The following CACNA1B variants were observed in gnomAD, a reference collection of about 807,000 sequenced individuals.
The protein encoded by CACNA1B is voltage-dependent N-type calcium channel subunit alpha-1B.
Under a neutral mutation model 247.2 loss-of-function variants are expected in CACNA1B, and 70 were observed. The observed-to-expected ratio is 0.28, with a 90% confidence interval of 0.23 to 0.35. The LOEUF (loss-of-function observed/expected upper bound fraction) is 0.35. Among genes scored for constraint, CACNA1B ranks in the 10% least tolerant of loss-of-function variants. CACNA1B has a pLI of 1.00. For missense variants in CACNA1B, 2,367 were observed against 3,197.4 expected, an observed-to-expected ratio of 0.74 and a Z score of 6.26; for synonymous variants, 1,231 against 1,294.4, an observed-to-expected ratio of 0.95 and a Z score of 1.05.
Position 138,123,848 on chromosome 9 carries a change from G to C in CACNA1B, c.*1849G>C, listed in dbSNP as rs140270051. Reference sequence around the variant, plus strand: ...ACCAGGAATCTCGGACTGTGCATGTGATCACTGTGCTCCTGTTGCAAAGTA... The same window carrying C: ...ACCAGGAATCTCGGACTGTGCATGTCATCACTGTGCTCCTGTTGCAAAGTA... On this transcript the variant is annotated 3_prime_UTR_variant, in exon 47 of 47. Coordinates refer to ENST00000371372, the MANE Select transcript of CACNA1B (RefSeq NM_000718.4). 3.9e-5 allele frequency: 6 copies of C among 152,264 alleles called. No homozygotes were observed. Among genetic ancestry groups the C allele is most frequent in the African/African-American group, 1.2e-4 (5 of 41,558 alleles). 9.4% of individuals were successfully genotyped at this position (152,264 alleles called of 1,614,324 possible).
At chr9:138,095,463 A>C (rs1961023937) in intron 36 of CACNA1B, among the ~76,000 whole-genome samples, 1 of 152,252 alleles carries the variant, frequency 6.6e-6, no homozygotes, top group Non-Finnish European at 1.5e-5. Context: ...AAAATTGAAA[A>C]TAACAAGTGT....
intron 36 of CACNA1B, 45 bp downstream of exon 36, chr9:138,078,303 C>T (rs201942358): frequency 1.9e-5 from 31 of 1,592,544 alleles, no homozygotes; most frequent in Admixed American, 5.0e-5. Flanking sequence ...CGTCTTGTCT[C>T]GGTACAGCTC....
rs537248181 is a variant in CACNA1B at position 138,120,310 on chromosome 9, G to A, written c.6176G>A (p.Arg2059His). ...SHHHHHRCHRRRDRKQRSLEK... is the reference protein window; with the variant it reads ...SHHHHHRCHRHRDRKQRSLEK... ...CACCACCACCACCGCTGCCACCGCC[G>A]CAGGGACAGGAAGCAGAGGTCCCTG... is the stretch of plus-strand genomic sequence containing the variant. The change falls in exon 45 of 47, where the codon CGC (arginine) becomes CAC (histidine). Residue 2059 changes from arginine to histidine, a missense_variant. Physicochemically the swap from Arg to His is conservative, Grantham distance 29 (BLOSUM62 0). Transcript: ENST00000371372. The A allele has an allele frequency of 3.4e-5, 53 of 1,566,246 alleles. 2 individuals are homozygous for A. In the South Asian group the frequency reaches 5.1e-4, roughly 15 times the overall value.
chr9:137,956,147 G>A (rs547424000), intron 8 of CACNA1B, among the ~76,000 whole-genome samples: 128 of 152,264 alleles, frequency 8.4e-4, no homozygotes, highest in African/African-American at 3.0e-3. Flanking sequence ...CCCCAGGCCA[G>A]CACTCTTTCC....
intron 6 of CACNA1B, among the ~76,000 whole-genome samples, chr9:137,944,291 A>G (rs1957768560): frequency 6.6e-6 from 1 of 152,130 alleles, no homozygotes; most frequent in Non-Finnish European, 1.5e-5. Context: ...TATATTTTTT[A>G]AAGGCTTCCT....
rs932640519 is a variant in CACNA1B, at chr9:138,011,667, G to A, written c.2161-1462G>A. Among the ~76,000 whole-genome samples the A allele has an allele frequency of 6.6e-6, 1 of 152,204 alleles. No individual in the cohort carries two copies. Among genetic ancestry groups the A allele is most frequent in the Non-Finnish European group, 1.5e-5 (1 of 68,034 alleles). Reference sequence around the variant, plus strand: ...CCCAGAGGGTGGGAAGCTGGATGCAGCCGGATCTGCGAGGAGGGACCTGGG... The same window carrying A: ...CCCAGAGGGTGGGAAGCTGGATGCAACCGGATCTGCGAGGAGGGACCTGGG... On this transcript the variant is annotated intron_variant, in intron 17 of 46. Transcript: ENST00000371372. This position sits in a 1 kb window ranked among gnomAD's most constrained non-coding sequence, Gnocchi z 4.2.
intron 18 of CACNA1B, among the ~76,000 whole-genome samples, chr9:138,017,406 G>C (rs778743080): frequency 6.6e-6 from 1 of 152,226 alleles, no homozygotes; most frequent in Non-Finnish European, 1.5e-5. Flanking sequence ...GACCCTCTGC[G>C]CTCAGCGCCT....
intron 3 of CACNA1B, among the ~76,000 whole-genome samples, chr9:137,901,019 G>A (rs889250906): frequency 6.8e-6 from 1 of 146,284 alleles, no homozygotes; most frequent in Non-Finnish European, 1.5e-5. Context: ...GTGTGTCTCT[G>A]TGTCCGTGTG....
intron 3 of CACNA1B, among the ~76,000 whole-genome samples, chr9:137,907,754 A>G (rs1180664079): frequency 6.6e-6 from 1 of 152,094 alleles, no homozygotes; most frequent in Non-Finnish European, 1.5e-5. Flanking sequence ...CTATTACTTT[A>G]GTCTTAAGTC....
chr9:137,909,513 G>A (rs1030546047), intron 3 of CACNA1B, among the ~76,000 whole-genome samples: 15 of 152,200 alleles, frequency 9.9e-5, no homozygotes, highest in Non-Finnish European at 1.9e-4. Flanking sequence ...CATCCATGCT[G>A]GAGCAAATGC....
intron 37 of CACNA1B, among the ~76,000 whole-genome samples, chr9:138,097,401 G>T (rs1399709228): frequency 6.6e-6 from 1 of 152,080 alleles, no homozygotes; most frequent in African/African-American, 2.4e-5. Context: ...GAGCTCATTC[G>T]GGAAGGAAGA....
chr9:138,079,122 C>T (rs1289961664), intron 36 of CACNA1B, among the ~76,000 whole-genome samples: 1 of 152,154 alleles, frequency 6.6e-6, no homozygotes. Context: ...TGCCTGAGTG[C>T]CTGTTAGACA....
chr9:138,103,061 G>C (rs1961306994), intron 38 of CACNA1B, among the ~76,000 whole-genome samples: 1 of 151,986 alleles, frequency 6.6e-6, no homozygotes, highest in South Asian at 2.1e-4. Flanking sequence ...CCCTTTGAGA[G>C]CCCCCTGGAG....
In CACNA1B at chr9:137,919,931, C is replaced by A. The variant is rs981033128; in HGVS notation, c.966+2500C>A. On this transcript the variant is annotated intron_variant, in intron 6 of 46. Transcript: ENST00000371372. The surrounding 1 kb of genome is among the most constrained non-coding windows in gnomAD (Gnocchi z 4.6). ...AGTCAAATGGAGCTTTGGGAGAACA[C>A]ACGGATGAGCCTGGGGAGAGACGAG... 6.6e-6 allele frequency among the ~76,000 whole-genome samples: 1 copy of A among 152,162 alleles called. No individual in the cohort carries two copies. Among genetic ancestry groups the A allele is most frequent in the Non-Finnish European group, 1.5e-5 (1 of 68,028 alleles).
chr9:138,078,143 T>C lies in CACNA1B; in HGVS notation c.4979T>C (p.Ile1660Thr). 1 of 1,613,946 alleles carries C rather than the reference T, an allele frequency of 6.2e-7. No individual in the cohort carries two copies. The highest frequency in any genetic ancestry group is 8.5e-7 in the Non-Finnish European group (1 of 1,179,848). ...RSATGEAWHE[I>T]MLSCLSNQAC... The stretch of plus-strand genomic sequence containing the variant: ...GCCACGGGGGAGGCCTGGCACGAGA[T>C]CATGCTGTCCTGCCTGAGCAACCAG... Residue 1660 changes from isoleucine (I) to threonine (T), a missense_variant, in exon 36 of 47, where the codon ATC becomes ACC. Physicochemically the swap from Ile to Thr is moderately conservative, Grantham distance 89. Transcript: ENST00000371372.
intron 36 of CACNA1B, among the ~76,000 whole-genome samples, chr9:138,081,872 GA>G (rs1960532895): frequency 6.6e-6 from 1 of 151,142 alleles, no homozygotes; most frequent in South Asian, 2.1e-4. Context: ...ATCAGTAATC[GA>G]AAACTTCCCA....
chr9:137,999,390 A>G (rs983765334), intron 15 of CACNA1B, among the ~76,000 whole-genome samples: 1 of 152,156 alleles, frequency 6.6e-6, no homozygotes, highest in African/African-American at 2.4e-5. Context: ...AGAAATCACG[A>G]TGGCCATTAC....
intron 31 of CACNA1B, among the ~76,000 whole-genome samples, chr9:138,066,009 C>T (rs1959902706): frequency 6.6e-6 from 1 of 152,214 alleles, no homozygotes; most frequent in South Asian, 2.1e-4. Flanking sequence ...TTCCAAGGAA[C>T]CACCCCTGGT....
rs149226878 is a variant in CACNA1B, at chr9:137,971,313, G to A, written c.1334-70G>A. 792 of 1,131,640 alleles carry A rather than the reference G, an allele frequency of 7.0e-4. 12 individuals are homozygous for A. The East Asian group carries it at 0.02, about 28-fold the overall frequency. The allele number at this position is 1,131,640 out of a possible 1,614,324, so 70.1% of individuals were successfully genotyped here. A position where few individuals can be genotyped will look rare whatever the true frequency, so the allele number is the denominator to read the frequency against. The stretch of plus-strand genomic sequence containing the variant: ...CAGGTGTCCTCCAGAGTGCGTCTGT[G>A]GGGGTCCACAGGTGGGGTAGGCGGG... On this transcript the variant is annotated intron_variant, in intron 10 of 46. Coordinates refer to ENST00000371372, the MANE Select transcript of CACNA1B (RefSeq NM_000718.4). This position sits in a 1 kb window ranked among gnomAD's most constrained non-coding sequence, Gnocchi z 4.4.
Sources: gnomAD v4.1 joint callset for allele counts (sites outside exome capture counted in the v4.1 genomes callset) on GRCh38, gnomAD v4.1.1 for gene constraint, Gnocchi (gnomAD v3.1) non-coding constraint, MANE v1.5 for transcripts, NCBI Gene and HGNC (gene_info 2026-07-23, HGNC 2026-07-21) for gene names.